The following ZMYND11 variants were observed in gnomAD, a reference collection of about 807,000 sequenced individuals.
The protein encoded by ZMYND11 is zinc finger MYND domain-containing protein 11.
ZMYND11 carries 9 observed loss-of-function variants against 84.9 expected under a neutral mutation model. The ratio of observed to expected loss-of-function variants is 0.11; its 90% confidence interval spans 0.06 to 0.18. The LOEUF is 0.18. Ranked by LOEUF, ZMYND11 falls within the 10% of genes least tolerant of loss-of-function variation. ZMYND11 has a pLI of 1.00. For missense variants in ZMYND11, 409 were observed against 761.0 expected (o/e 0.54, Z 5.44); for synonymous variants, 250 against 244.1 (o/e 1.02, Z -0.23).
intron 2 of ZMYND11, among the ~76,000 whole-genome samples, chr10:196,237 C>CA (rs1564361237): frequency 6.6e-6 from 1 of 152,182 alleles, no homozygotes; most frequent in East Asian, 1.9e-4. Flanking sequence ...ACATTATTGA[C>CA]ATGCTGTTCG....
At chr10:236,123 C>T (rs1394587796) in intron 4 of ZMYND11, among the ~76,000 whole-genome samples, 2 of 152,310 alleles carry the variant, frequency 1.3e-5, no homozygotes, top group Admixed American at 6.5e-5. Context: ...ATGATGTTCG[C>T]GTGCCTGGAG....
intron 1 of ZMYND11, among the ~76,000 whole-genome samples, chr10:172,303 G>T (rs1845527617): frequency 6.6e-6 from 1 of 152,134 alleles, no homozygotes; most frequent in Non-Finnish European, 1.5e-5. Flanking sequence ...TGGGAAAAAA[G>T]AAATAAAACT....
At chr10:250,223 C>G (rs947179927) in intron 14 of ZMYND11, among the ~76,000 whole-genome samples, 13 of 152,224 alleles carry the variant, frequency 8.5e-5, no homozygotes, top group Non-Finnish European at 1.5e-4. Flanking sequence ...CTTCTCCCCC[C>G]AGCTTCTCAA....
intron 2 of ZMYND11, among the ~76,000 whole-genome samples, chr10:209,019 GTA>G (rs1226983268): frequency 4.6e-5 from 7 of 151,550 alleles, no homozygotes; most frequent in South Asian, 4.2e-4. Context: ...GTGTGTGTGT[GTA>G]TATATATATG....
At chr10:161,784 G>C (rs1176611978) in intron 1 of ZMYND11, among the ~76,000 whole-genome samples, 14 of 152,128 alleles carry the variant, frequency 9.2e-5, no homozygotes, top group African/African-American at 3.4e-4. Flanking sequence ...TTAGGTCCTT[G>C]TTCTGGATTA....
chr10:174,888 A>G (rs1846223588), intron 1 of ZMYND11, among the ~76,000 whole-genome samples: 1 of 149,304 alleles, frequency 6.7e-6, no homozygotes, highest in African/African-American at 2.5e-5. Context: ...TGTCATTCAT[A>G]CATTGGTCAG....
intron 3 of ZMYND11, among the ~76,000 whole-genome samples, chr10:210,842 A>G (rs1249213681): frequency 6.6e-6 from 1 of 152,160 alleles, no homozygotes; most frequent in East Asian, 1.9e-4. Flanking sequence ...TTACAAGGGA[A>G]CATCATTTAA....
At chr10:190,460 G>A (rs966369132) in intron 2 of ZMYND11, among the ~76,000 whole-genome samples, 1 of 152,134 alleles carries the variant, frequency 6.6e-6, no homozygotes, top group Non-Finnish European at 1.5e-5. Context: ...CGTTTCCCAT[G>A]CTCTGCCTTG....
intron 8 of ZMYND11, among the ~76,000 whole-genome samples, chr10:240,470 C>G (rs1044642312): frequency 6.6e-6 from 1 of 152,174 alleles, no homozygotes; most frequent in Non-Finnish European, 1.5e-5. Context: ...CGCCACTGCA[C>G]CCCAGCCTGG....
chr10:164,430 C>T (rs1349485504), intron 1 of ZMYND11, among the ~76,000 whole-genome samples: 1 of 152,118 alleles, frequency 6.6e-6, no homozygotes, highest in Non-Finnish European at 1.5e-5. Flanking sequence ...GATTGTTGCT[C>T]ATAATACATG....
upstream of ZMYND11, chr10:134,959 A>G (rs1219731500): frequency 4.7e-5 from 7 of 149,594 alleles, no homozygotes; most frequent in Non-Finnish European, 6.0e-5. Context: ...GGCCGCGCGC[A>G]AGTCCGGCGC....
chr10:188,845 C>T (rs1939509234), intron 2 of ZMYND11, among the ~76,000 whole-genome samples: 1 of 152,136 alleles, frequency 6.6e-6, no homozygotes, highest in South Asian at 2.1e-4. Flanking sequence ...AGATTTTATA[C>T]TAGTCTCTAC....
intron 3 of ZMYND11, among the ~76,000 whole-genome samples, chr10:215,997 G>A: frequency 6.6e-6 from 1 of 152,102 alleles, no homozygotes; most frequent in East Asian, 1.9e-4. Flanking sequence ...GGATAAACAA[G>A]CTTAAATCTT....
intron 9 of ZMYND11, among the ~76,000 whole-genome samples, chr10:241,721 T>TGCTGGAGCTGCTG (rs932397955): frequency 2.7e-5 from 4 of 149,942 alleles, no homozygotes; most frequent in African/African-American, 1.0e-4. Flanking sequence ...TTCCCAGGGG[T>TGCTGGAGCTGCTG]GCTGGAGCTG....
At chr10:181,124 GTGTT>G (rs1847804954) in intron 2 of ZMYND11, among the ~76,000 whole-genome samples, 1 of 152,124 alleles carries the variant, frequency 6.6e-6, no homozygotes, top group Non-Finnish European at 1.5e-5. Flanking sequence ...TCTTTTTTAA[GTGTT>G]TGGAATTTTA....
At chr10:151,327 GACGGATGGCTA>G (rs1840305177) in intron 1 of ZMYND11, among the ~76,000 whole-genome samples, 1 of 152,186 alleles carries the variant, frequency 6.6e-6, no homozygotes, top group Non-Finnish European at 1.5e-5. Context: ...AAAAAGATTA[GACGGATGGCTA>G]ACTAGAATAA....
At chr10:237,501 A>G (rs890831040) in intron 5 of ZMYND11, 84 bp from the exon 6 acceptor site, 74 of 800,856 alleles carry the variant, frequency 9.2e-5, no homozygotes, top group Non-Finnish European at 1.2e-4. Context: ...ATAAAAAGGT[A>G]GAAAATATTT....
At chr10:149,712 T>C (rs1383532328) in intron 1 of ZMYND11, among the ~76,000 whole-genome samples, 1 of 152,260 alleles carries the variant, frequency 6.6e-6, no homozygotes, top group East Asian at 1.9e-4. Flanking sequence ...TTTTATACTT[T>C]ATCCAGTCTC....
intron 6 of ZMYND11, among the ~76,000 whole-genome samples, chr10:238,802 G>A (rs1012039791): frequency 6.6e-6 from 1 of 152,218 alleles, no homozygotes; most frequent in African/African-American, 2.4e-5. Flanking sequence ...CCCAGCCATA[G>A]CCCCTTCTAA....
Sources: gnomAD v4.1 joint callset for allele counts (sites outside exome capture counted in the v4.1 genomes callset) on GRCh38, gnomAD v4.1.1 for gene constraint, MANE v1.5 for transcripts, NCBI Gene and HGNC (gene_info 2026-07-23, HGNC 2026-07-21) for gene names.